Variants in UBIAD1 observed in about 807,000 individuals in gnomAD.
UBIAD1 encodes the protein ubiA prenyltransferase domain-containing protein 1.
A neutral mutation model predicts 20.1 loss-of-function variants in UBIAD1; 12 were observed. That is an observed-to-expected ratio of 0.60 (90% CI 0.38 to 0.97). The LOEUF (loss-of-function observed/expected upper bound fraction) is 0.97, where lower values mean the gene tolerates loss of function less well. Among genes scored for constraint, UBIAD1 ranks in the 50% least tolerant of loss-of-function variants. UBIAD1 has a pLI of 0.00. For missense variants in UBIAD1, 333 were observed against 419.5 expected (o/e 0.79, Z 1.80); for synonymous variants, 207 against 189.2 (o/e 1.09, Z -0.77).
At chr1:11,281,795 C>T (rs1386334917) in intron 1 of UBIAD1, among the ~76,000 whole-genome samples, 2 of 152,182 alleles carry the variant, frequency 1.3e-5, no homozygotes, top group Non-Finnish European at 2.9e-5. Context: ...TTAGTTTTGC[C>T]TGTCATATAA....
Position 11,273,292 on chromosome 1 carries a change from G to C in UBIAD1, c.-240G>C. On this transcript the variant is annotated 5_prime_UTR_variant, in exon 1 of 2. Transcript: ENST00000376810. This position sits in a 1 kb window ranked among gnomAD's most constrained non-coding sequence, Gnocchi z 4.9. ...GGCTCAGCCGTGGGCTCTAACGCGG[G>C]GCTGGGGGCCGGAGACAGACTTCGC... 3 of 572,290 alleles carry C rather than the reference G, an allele frequency of 5.2e-6. No homozygotes were observed. The East Asian group carries it at 9.0e-5, about 17-fold the overall frequency. 35.5% of individuals were successfully genotyped at this position (572,290 alleles called of 1,614,324 possible). A position where few individuals can be genotyped will look rare whatever the true frequency, so the allele number is the denominator to read the frequency against.
chr1:11,299,170 T>G (rs1235623190), downstream of UBIAD1, among the ~76,000 whole-genome samples: 1 of 152,164 alleles, frequency 6.6e-6, no homozygotes, highest in Admixed American at 6.5e-5. Context: ...TGATACTCAT[T>G]CCCTTGTTTC....
At position 11,273,870 on chromosome 1, in the gene UBIAD1, CAA is replaced by C; in HGVS notation, c.343_344del (p.Lys115GlufsTer2). The C allele has an allele frequency of 6.2e-7, 1 of 1,614,220 alleles. No individual in the cohort carries two copies. The highest frequency in any genetic ancestry group is 2.2e-5 in the East Asian group (1 of 44,882). ...YYDFSKGIDH[K>X]KSDDRTLVDR... ...ATGACTTTTCCAAGGGCATTGACCACAAAAAGAGTGATGACAGGACACTTGTG... is the reference window on the plus strand; with the variant it reads ...ATGACTTTTCCAAGGGCATTGACCACAAAGAGTGATGACAGGACACTTGTG... On this transcript the variant is annotated frameshift_variant, in exon 1 of 2. Coordinates refer to ENST00000376810, the MANE Select transcript of UBIAD1 (RefSeq NM_013319.3). LOFTEE classifies it high-confidence loss of function. The surrounding 1 kb of genome is among the most constrained non-coding windows in gnomAD (Gnocchi z 4.9).
At chr1:11,284,392 A>G (rs961946803) in intron 1 of UBIAD1, among the ~76,000 whole-genome samples, 12 of 152,116 alleles carry the variant, frequency 7.9e-5, no homozygotes, top group African/African-American at 2.9e-4. Flanking sequence ...TGGGACTTTT[A>G]TCCCCAGGAT....
chr1:11,278,522 G>A lies in UBIAD1; in HGVS notation c.529+4462G>A, dbSNP rs564038006. 1.1e-5 allele frequency: 7 copies of A among 640,150 alleles called. No individual in the cohort carries two copies. In the East Asian group the frequency reaches 1.4e-4, roughly 13 times the overall value. 39.7% of individuals were successfully genotyped at this position (640,150 alleles called of 1,614,324 possible). ...ACCAGCCGGAGTTCTTTTATTTAACGTGTGGGTATTTTGCATTGTGATATT... is the reference window on the plus strand; with the variant it reads ...ACCAGCCGGAGTTCTTTTATTTAACATGTGGGTATTTTGCATTGTGATATT... On this transcript the variant is annotated intron_variant, in intron 1 of 1. Transcript: ENST00000376810.
At position 11,282,040 on chromosome 1, in the gene UBIAD1, C is replaced by T. The variant is rs115977888; in HGVS notation, c.530-3604C>T. The stretch of plus-strand genomic sequence containing the variant: ...GATTGCTTCCATATTTTGGCTATTA[C>T]GTCTGAACATTCATGTTCAAGTCTT... On this transcript the variant is annotated intron_variant, in intron 1 of 1. Transcript: ENST00000376810. Among the ~76,000 whole-genome samples, 1,363 of 152,248 alleles carry T rather than the reference C, an allele frequency of 9.0e-3. 27 individuals carry two copies. The highest frequency in any genetic ancestry group is 0.031 in the African/African-American group (1,285 of 41,546).
At chr1:11,275,121 G>A (rs1206979742) in intron 1 of UBIAD1, among the ~76,000 whole-genome samples, 1 of 152,158 alleles carries the variant, frequency 6.6e-6, no homozygotes, top group Admixed American at 6.6e-5. Context: ...TATGTGCCAG[G>A]CACTGTTCTG....
chr1:11,283,036 A>G lies in UBIAD1; in HGVS notation c.530-2608A>G, dbSNP rs553994094. On this transcript the variant is annotated intron_variant, in intron 1 of 1. Coordinates refer to ENST00000376810, the MANE Select transcript of UBIAD1 (RefSeq NM_013319.3). ...CCACTACACCCGGCTAATTTTTTGT[A>G]TTTTTAGTGGAGATGGGGTTTCTCC... is the stretch of plus-strand genomic sequence containing the variant. Among the ~76,000 whole-genome samples the G allele has an allele frequency of 5.3e-5, 8 of 149,698 alleles. No homozygotes were observed. In the South Asian group the frequency reaches 6.3e-4, roughly 12 times the overall value.
chr1:11,295,326 C>T, downstream of UBIAD1: 1 of 194,368 alleles, frequency 5.1e-6, no homozygotes, highest in South Asian at 1.1e-4. Flanking sequence ...GAGAAAGCCC[C>T]CCTGTTGCTG....
rs375650843 is a variant in UBIAD1 at position 11,274,392 on chromosome 1, G to A, written c.529+332G>A. 1.4e-3 allele frequency among the ~76,000 whole-genome samples: 216 copies of A among 152,234 alleles called. 3 individuals carry two copies. Among genetic ancestry groups the A allele is most frequent in the South Asian group, 0.011 (53 of 4,830 alleles). On this transcript the variant is annotated intron_variant, in intron 1 of 1. Transcript: ENST00000376810. ...CGGCCCACTGCAGCCTCTGCCTCCCGTGTTCAAGCGATTCTCCTGCCTCAG... is the reference window on the plus strand; with the variant it reads ...CGGCCCACTGCAGCCTCTGCCTCCCATGTTCAAGCGATTCTCCTGCCTCAG...
intron 1 of UBIAD1, chr1:11,278,511 T>C (rs1652134476): frequency 5.2e-6 from 3 of 574,736 alleles, no homozygotes; most frequent in Non-Finnish European, 7.8e-6. Context: ...GCCGGAGTTC[T>C]TTTATTTAAC....
downstream of UBIAD1, among the ~76,000 whole-genome samples, chr1:11,291,739 G>A (rs557305731): frequency 5.3e-5 from 8 of 152,224 alleles, no homozygotes; most frequent in East Asian, 3.9e-4. Flanking sequence ...CCATTTCTCA[G>A]TGTAAGAACC....
downstream of UBIAD1, among the ~76,000 whole-genome samples, chr1:11,296,799 C>T (rs1638455655): frequency 6.6e-6 from 1 of 152,200 alleles, no homozygotes; most frequent in East Asian, 1.9e-4. Context: ...GGATTACAAG[C>T]CTGAGCCACT....
chr1:11,299,496 G>A (rs767299533), downstream of UBIAD1, among the ~76,000 whole-genome samples: 1 of 152,206 alleles, frequency 6.6e-6, no homozygotes, highest in Non-Finnish European at 1.5e-5. Flanking sequence ...TCTTTCTTTT[G>A]AAGGGGGGAG....
chr1:11,276,393 G>A (rs964540786), intron 1 of UBIAD1, among the ~76,000 whole-genome samples: 7 of 151,998 alleles, frequency 4.6e-5, no homozygotes, highest in Admixed American at 4.6e-4. Flanking sequence ...GCTGGGTGCT[G>A]TGCCTCATGC....
intron 1 of UBIAD1, among the ~76,000 whole-genome samples, chr1:11,282,916 A>G (rs550210558): frequency 1.4e-4 from 20 of 143,584 alleles, no homozygotes; most frequent in Non-Finnish European, 2.8e-4. Context: ...GCTGGAGTGC[A>G]ATGGCACGAT....
intron 1 of UBIAD1, among the ~76,000 whole-genome samples, chr1:11,294,401 C>G (rs1215087678): frequency 6.6e-6 from 1 of 152,218 alleles, no homozygotes; most frequent in Non-Finnish European, 1.5e-5. Context: ...TTACCTTGGC[C>G]TCCCAAAGCG....
At chr1:11,277,080 T>C (rs1652060466) in intron 1 of UBIAD1, among the ~76,000 whole-genome samples, 1 of 151,666 alleles carries the variant, frequency 6.6e-6, no homozygotes, top group African/African-American at 2.4e-5. Flanking sequence ...CTACTAAAAA[T>C]ACAAAAATAA....
chr1:11,294,845 C>G, intron 1 of UBIAD1: 1 of 717,504 alleles, frequency 1.4e-6, no homozygotes, highest in Non-Finnish European at 2.6e-6. Context: ...CCTCATCTGT[C>G]TGTCCTCATT....
Sources: allele counts gnomAD v4.1 joint callset (sites outside exome capture counted in the v4.1 genomes callset), GRCh38; gene constraint gnomAD v4.1.1; non-coding constraint Gnocchi (gnomAD v3.1); transcripts MANE v1.5; gene names NCBI Gene and HGNC (gene_info 2026-07-23, HGNC 2026-07-21).